Variants in SNX12 observed in about 807,000 individuals in gnomAD.
The protein encoded by SNX12 is sorting nexin-12.
For missense variants in SNX12, 62 were observed against 141.3 expected (o/e 0.44, Z 2.84); for synonymous variants, 47 against 56.0 (o/e 0.84, Z 0.71).
At position 71,062,450 on chromosome X, in the gene SNX12, G is replaced by A. The variant is rs1378462261; in HGVS notation, c.261+404C>T. 4.2e-5 allele frequency among the ~76,000 whole-genome samples: 4 copies of A among 95,095 alleles called. No individual in the cohort carries two copies. The South Asian group carries it at 1.5e-3, about 35-fold the overall frequency. The allele number at this position is 95,095 out of a possible 115,157, so 82.6% of individuals were successfully genotyped here. On this transcript the variant is annotated intron_variant, in intron 2 of 3. Transcript: ENST00000374274. Reference sequence around the variant, plus strand: ...TGCAGTGGCACGATCTCAGCTAACTGCAACCTCTGCCTCCCAGGTTCAAGC... The same window carrying A: ...TGCAGTGGCACGATCTCAGCTAACTACAACCTCTGCCTCCCAGGTTCAAGC...
At chrX:71,065,452 T>G (rs2092148827) in intron 1 of SNX12, among the ~76,000 whole-genome samples, 1 of 109,566 alleles carries the variant, frequency 9.1e-6, no homozygotes, top group African/African-American at 3.3e-5. Flanking sequence ...ATGGATCACT[T>G]GAGGTCAGGA....
At chrX:71,070,697 T>C (rs1014669236), upstream of SNX12, among the ~76,000 whole-genome samples, 4 of 111,440 alleles carry the variant, frequency 3.6e-5, no homozygotes, top group East Asian at 1.1e-3. Flanking sequence ...AAGAAAAACA[T>C]GAAGAGGCAA....
chrX:71,063,917 G>C (rs1286918703), intron 1 of SNX12, among the ~76,000 whole-genome samples: 1 of 111,258 alleles, frequency 9.0e-6, no homozygotes, highest in Non-Finnish European at 1.9e-5. Flanking sequence ...ATCTCTATGT[G>C]CCAGTATGGA....
chrX:71,061,996 A>G, intron 2 of SNX12, 29 bp from the exon 3 acceptor site: 5 of 1,178,617 alleles, frequency 4.2e-6, no homozygotes, highest in Non-Finnish European at 5.7e-6. Context: ...TTCCAGCCAC[A>G]TGGGAGAGAG....
At position 71,068,194 on chromosome X, in the gene SNX12, T is replaced by C. The variant is rs1226557615; in HGVS notation, c.113A>G (p.Gln38Arg). 14 of 1,209,543 alleles carry C rather than the reference T, an allele frequency of 1.2e-5. No individual in the cohort carries two copies. The highest frequency in any genetic ancestry group is 1.5e-5 in the Non-Finnish European group (13 of 894,724). The change falls in exon 1 of 4, where the codon CAG becomes CGG. Residue 38 changes from glutamine (Q) to arginine (R), a missense_variant. Transcript: ENST00000374274. ...GCGCGCGCGTCCCACGCCCACCGTCTGAGGATTAAAGATGTCGATCTCCAG... is the reference window on the plus strand; with the variant it reads ...GCGCGCGCGTCCCACGCCCACCGTCCGAGGATTAAAGATGTCGATCTCCAG... ...NFLEIDIFNP[Q>R]TVGVGRARFT...
intron 1 of SNX12, among the ~76,000 whole-genome samples, chrX:71,065,433 CT>C (rs1165215537): frequency 2.8e-5 from 3 of 106,021 alleles, no homozygotes; most frequent in African/African-American, 1.0e-4. Context: ...CTTTGGGAGA[CT>C]GAGGTGGATG....
At chrX:71,066,451 A>T (rs964228700) in intron 1 of SNX12, among the ~76,000 whole-genome samples, 2 of 110,361 alleles carry the variant, frequency 1.8e-5, no homozygotes, top group South Asian at 3.9e-4. Context: ...TTAGCCAGGC[A>T]TGGTGGCATG....
chrX:71,073,152 C>T (rs923160325), upstream of SNX12: 3 of 110,758 alleles, frequency 2.7e-5, no homozygotes, highest in Admixed American at 1.9e-4. Context: ...ATTGCGTTTC[C>T]TTGACCACAG....
chrX:71,067,539 T>G (rs12851337), intron 1 of SNX12, among the ~76,000 whole-genome samples: 24,531 of 111,426 alleles, frequency 0.22, 2,685 homozygotes, highest in Middle Eastern at 0.47. Flanking sequence ...CTCCTTCAGA[T>G]GCTGATCCGA....
intron 1 of SNX12, 56 bp downstream of exon 1, chrX:71,068,086 C>G (rs1212097315): frequency 2.7e-6 from 3 of 1,094,130 alleles, no homozygotes; most frequent in Non-Finnish European, 3.7e-6. Context: ...TCCCTCCCCC[C>G]TCCCGCTCGC....
rs768004688 is a variant in SNX12 at position 71,068,314 on chromosome X, A to T, written c.-8T>A. The T allele has an allele frequency of 3.0e-5, 36 of 1,190,487 alleles. No individual in the cohort carries two copies. In the South Asian group the frequency reaches 6.4e-4, roughly 21 times the overall value. On this transcript the variant is annotated 5_prime_UTR_variant, in exon 1 of 4. Coordinates refer to ENST00000374274, the MANE Select transcript of SNX12 (RefSeq NM_013346.4). ...TACTGCCGTGTCCGACATCTTTCCG[A>T]AGGAGAGCCTGGGACCGGGGAAAGG...
upstream of SNX12, among the ~76,000 whole-genome samples, chrX:71,070,681 T>G (rs1268667586): frequency 9.0e-6 from 1 of 111,426 alleles, no homozygotes; most frequent in Non-Finnish European, 1.9e-5. Context: ...CAGCATACCA[T>G]GTAGAAAGAA....
intron 1 of SNX12, among the ~76,000 whole-genome samples, chrX:71,065,665 G>T (rs1193131674): frequency 1.8e-5 from 2 of 111,544 alleles, no homozygotes; most frequent in Non-Finnish European, 3.8e-5. Flanking sequence ...TTAGCCAGGC[G>T]TGGTGGTACA....
chrX:71,064,712 C>G (rs1385174226), intron 1 of SNX12, among the ~76,000 whole-genome samples: 2 of 113,063 alleles, frequency 1.8e-5, no homozygotes, highest in Admixed American at 9.4e-5. Context: ...TCTACAAGTT[C>G]TAAATAGAAA....
chrX:71,065,556 G>A (rs770489738), intron 1 of SNX12, among the ~76,000 whole-genome samples: 73 of 108,209 alleles, frequency 6.7e-4, no homozygotes, highest in Non-Finnish European at 1.3e-3. Context: ...TATAATCCCA[G>A]CACTTTGGGA....
intron 1 of SNX12, 46 bp downstream of exon 1, chrX:71,068,096 C>T: frequency 9.0e-7 from 1 of 1,109,785 alleles, no homozygotes; most frequent in Non-Finnish European, 1.2e-6. Flanking sequence ...CTCCCGCTCG[C>T]GCCGCCCGGT....
chrX:71,071,572 TTA>T (rs761802082), upstream of SNX12, among the ~76,000 whole-genome samples: 80 of 47,126 alleles, frequency 1.7e-3, no homozygotes, highest in African/African-American at 7.7e-3. Context: ...TATTTATATA[TTA>T]TATATATAAA....
chrX:71,061,306 G>A (rs2092130371), intron 3 of SNX12, among the ~76,000 whole-genome samples, 188 bp from the exon 4 acceptor site: 2 of 111,314 alleles, frequency 1.8e-5, no homozygotes, highest in South Asian at 7.5e-4. Context: ...GCAAGACAGG[G>A]AAATCCCTAG....
intron 1 of SNX12, among the ~76,000 whole-genome samples, chrX:71,065,454 A>C (rs1454815727): frequency 9.1e-6 from 1 of 109,376 alleles, no homozygotes; most frequent in Non-Finnish European, 1.9e-5. Context: ...GGATCACTTG[A>C]GGTCAGGAGT....
Sources: allele counts gnomAD v4.1 joint callset (sites outside exome capture counted in the v4.1 genomes callset), GRCh38; gene constraint gnomAD v4.1.1; transcripts MANE v1.5; gene names NCBI Gene and HGNC (gene_info 2026-07-23, HGNC 2026-07-21).